Variants in CALN1 observed in about 807,000 individuals in gnomAD.
CALN1 encodes the protein calcium-binding protein 8.
CALN1 carries 17 observed loss-of-function variants against 30.6 expected under a neutral mutation model. The observed-to-expected ratio is 0.56, with a 90% confidence interval of 0.38 to 0.83. CALN1 has a LOEUF of 0.83. CALN1 is among the 40% of genes least tolerant of loss of function. The probability of loss-of-function intolerance (pLI) is 0.00; values close to 1 mark genes in which losing one functional copy is unlikely to be tolerated. For synonymous variants in CALN1, 156 were observed against 131.4 expected (o/e 1.19, Z -1.28); for missense variants, 291 against 354.9 (o/e 0.82, Z 1.45).
At chr7:72,406,338 A>G (rs1806690625) in intron 1 of CALN1, among the ~76,000 whole-genome samples, 2 of 152,154 alleles carry the variant, frequency 1.3e-5, no homozygotes, top group African/African-American at 4.8e-5. Flanking sequence ...TCTCCAAGAC[A>G]CAGGCACCTC....
chr7:72,135,924 G>C (rs1047509036), intron 3 of CALN1, among the ~76,000 whole-genome samples: 1 of 151,948 alleles, frequency 6.6e-6, no homozygotes, highest in Non-Finnish European at 1.5e-5. Context: ...CCTTATGTCA[G>C]GAGTTCAAGA....
chr7:72,111,418 C>G (rs1021272250), intron 3 of CALN1, among the ~76,000 whole-genome samples: 3 of 152,198 alleles, frequency 2.0e-5, no homozygotes, highest in Non-Finnish European at 4.4e-5. Context: ...AAGAAATAAT[C>G]CTGTTATTCA....
At chr7:71,936,238 C>T (rs963876725) in intron 5 of CALN1, among the ~76,000 whole-genome samples, 2 of 152,016 alleles carry the variant, frequency 1.3e-5, no homozygotes, top group Non-Finnish European at 2.9e-5. Flanking sequence ...GTGGCTCACG[C>T]CTGCAATCCC....
rs895778990 is a variant in CALN1, at chr7:72,404,220, T to C, written c.-73-778A>G. ...CGTCTCTGCCTACTTCTACTGTCAT[T>C]TGTCCACAATCTCCATCCCCTCCTC... is the stretch of plus-strand genomic sequence containing the variant. On this transcript the variant is annotated intron_variant, in intron 1 of 6. Coordinates refer to ENST00000395275, the MANE Select transcript of CALN1 (RefSeq NM_031468.4). Among the ~76,000 whole-genome samples the C allele has an allele frequency of 4.6e-5, 7 of 152,264 alleles. No individual in the cohort carries two copies. In the South Asian group the frequency reaches 1.2e-3, roughly 27 times the overall value.
intron 2 of CALN1, among the ~76,000 whole-genome samples, chr7:72,402,950 TAC>T (rs1447173250): frequency 6.6e-6 from 1 of 152,202 alleles, no homozygotes; most frequent in African/African-American, 2.4e-5. Flanking sequence ...TTTATGCTAG[TAC>T]ATAGTCCACA....
rs914005227 is a variant in CALN1 at position 72,338,242 on chromosome 7, C to G, written c.120-59432G>C. 3.9e-5 allele frequency among the ~76,000 whole-genome samples: 6 copies of G among 152,084 alleles called. No individual in the cohort carries two copies. In the East Asian group the frequency reaches 1.2e-3, roughly 29 times the overall value. On this transcript the variant is annotated intron_variant, in intron 2 of 6. Coordinates refer to ENST00000395275, the MANE Select transcript of CALN1 (RefSeq NM_031468.4). Reference sequence around the variant, plus strand: ...CCTTCCTTACAGCACCCTCCTCTCCCGGGTCCCCAGTTTCTTGTCCCCTCT... The same window carrying G: ...CCTTCCTTACAGCACCCTCCTCTCCGGGGTCCCCAGTTTCTTGTCCCCTCT...
At chr7:71,793,422 C>T (rs1236433746) in intron 6 of CALN1, among the ~76,000 whole-genome samples, 1 of 152,208 alleles carries the variant, frequency 6.6e-6, no homozygotes, top group Admixed American at 6.5e-5. Context: ...AATCATTTTA[C>T]ACCACATTCT....
At chr7:71,839,849 G>A (rs1584341930) in intron 5 of CALN1, among the ~76,000 whole-genome samples, 2 of 152,142 alleles carry the variant, frequency 1.3e-5, no homozygotes, top group East Asian at 3.9e-4. Context: ...CACTCTTGCT[G>A]CATTCTCTGG....
intron 1 of CALN1, among the ~76,000 whole-genome samples, chr7:72,437,073 CAA>C (rs5884890): frequency 1.4e-4 from 19 of 138,474 alleles, no homozygotes; most frequent in African/African-American, 2.7e-4. Context: ...GACCCTGTCT[CAA>C]AAAAAAAAAA....
chr7:72,042,387 C>T (rs1421370707), intron 4 of CALN1, among the ~76,000 whole-genome samples: 1 of 152,160 alleles, frequency 6.6e-6, no homozygotes, highest in East Asian at 1.9e-4. Flanking sequence ...GGAAACCAGG[C>T]TCAAGATTTC....
chr7:71,843,976 TACTC>T (rs1790091056), intron 5 of CALN1, among the ~76,000 whole-genome samples: 1 of 152,008 alleles, frequency 6.6e-6, no homozygotes, highest in Non-Finnish European at 1.5e-5. Context: ...AAATGCACGT[TACTC>T]AGGAATTGAT....
chr7:72,390,739 A>G (rs1314805441), intron 2 of CALN1, among the ~76,000 whole-genome samples: 1 of 152,230 alleles, frequency 6.6e-6, no homozygotes, highest in Non-Finnish European at 1.5e-5. Context: ...GCACTTCAAA[A>G]TTATGATTAT....
intron 3 of CALN1, among the ~76,000 whole-genome samples, chr7:72,120,430 T>C (rs757285807): frequency 1.3e-5 from 2 of 152,166 alleles, no homozygotes; most frequent in Non-Finnish European, 2.9e-5. Context: ...CATAGCAAAA[T>C]TGATTTCACC....
chr7:72,439,153 C>T (rs1472215638), intron 1 of CALN1, among the ~76,000 whole-genome samples: 1 of 152,138 alleles, frequency 6.6e-6, no homozygotes, highest in Non-Finnish European at 1.5e-5. Flanking sequence ...TCCTTAGCCT[C>T]CCGAGTAGCT....
At chr7:72,074,923 TATAA>T (rs1227122007) in intron 4 of CALN1, among the ~76,000 whole-genome samples, 1 of 152,230 alleles carries the variant, frequency 6.6e-6, no homozygotes, top group Non-Finnish European at 1.5e-5. Flanking sequence ...AGATAAGATC[TATAA>T]ATAAACAGAA....
upstream of CALN1, among the ~76,000 whole-genome samples, chr7:72,447,569 G>A (rs1319970390): frequency 1.3e-5 from 2 of 152,120 alleles, no homozygotes; most frequent in African/African-American, 4.8e-5. Context: ...GGGGAAAGTG[G>A]GAAACCTGGT....
At chr7:72,371,268 T>A (rs529631160) in intron 2 of CALN1, among the ~76,000 whole-genome samples, 1 of 152,164 alleles carries the variant, frequency 6.6e-6, no homozygotes, top group Non-Finnish European at 1.5e-5. Flanking sequence ...GATCTAAGGA[T>A]TGAAGTATGT....
intron 5 of CALN1, among the ~76,000 whole-genome samples, chr7:72,007,012 C>T (rs928336329): frequency 2.6e-5 from 4 of 152,158 alleles, no homozygotes; most frequent in East Asian, 3.9e-4. Flanking sequence ...TACATGAAAT[C>T]ATATCCAAAC....
chr7:72,060,630 A>C (rs1020198089), intron 4 of CALN1, among the ~76,000 whole-genome samples: 1 of 152,156 alleles, frequency 6.6e-6, no homozygotes, highest in African/African-American at 2.4e-5. Flanking sequence ...GTGAGCCCCA[A>C]TGTTGAACTT....
Sources: gnomAD v4.1 joint callset for allele counts (sites outside exome capture counted in the v4.1 genomes callset) on GRCh38, gnomAD v4.1.1 for gene constraint, MANE v1.5 for transcripts, NCBI Gene and HGNC (gene_info 2026-07-23, HGNC 2026-07-21) for gene names.